CSGALNACT1: variants seen among roughly 807,000 people sequenced by gnomAD.
CSGALNACT1 encodes the protein chondroitin sulfate N-acetylgalactosaminyltransferase 1, also known as beta4GalNAcT-1.
A neutral mutation model predicts 51.0 loss-of-function variants in CSGALNACT1; 52 were observed. The ratio of observed to expected loss-of-function variants is 1.02; its 90% confidence interval spans 0.82 to 1.29. CSGALNACT1 has a LOEUF of 1.29. CSGALNACT1 is among the 50% of genes most tolerant of loss of function. The pLI is 0.00. For missense variants in CSGALNACT1, 935 were observed against 679.2 expected (o/e 1.38, Z -4.19); for synonymous variants, 341 against 254.4 (o/e 1.34, Z -3.24).
At chr8:19,497,844 G>A (rs2075752028) in intron 4 of CSGALNACT1, among the ~76,000 whole-genome samples, 1 of 152,122 alleles carries the variant, frequency 6.6e-6, no homozygotes, top group Admixed American at 6.5e-5. Context: ...TGCCTACTTT[G>A]GAGAGGCTAA....
chr8:19,575,047 A>T (rs2043874675), intron 3 of CSGALNACT1, among the ~76,000 whole-genome samples: 1 of 151,950 alleles, frequency 6.6e-6, no homozygotes, highest in African/African-American at 2.4e-5. Context: ...AAAAAAAAAA[A>T]TTCCTCTCTC....
intron 1 of CSGALNACT1, among the ~76,000 whole-genome samples, chr8:19,731,471 G>T (rs1036935807): frequency 6.6e-6 from 1 of 152,144 alleles, no homozygotes; most frequent in South Asian, 2.1e-4. Flanking sequence ...TTACACCACT[G>T]CATTCTAGCC....
rs560295352 is a variant in CSGALNACT1, at chr8:19,429,471, C to T, written c.954-8953G>A. ...GGATAACAGGCGTGAGCCACTGGCA[C>T]CTGGCCATTATTGACCTTTTACATC... On this transcript the variant is annotated intron_variant, in intron 6 of 9. Coordinates refer to ENST00000454498, the Ensembl canonical transcript of CSGALNACT1. 2.0e-5 allele frequency among the ~76,000 whole-genome samples: 3 copies of T among 152,364 alleles called. No homozygotes were observed. The East Asian group carries it at 5.8e-4, about 29-fold the overall frequency.
At position 19,690,552 on chromosome 8, in the gene CSGALNACT1, T is replaced by C. The variant is rs756433758; in HGVS notation, c.-297+67298A>G. 5.3e-5 allele frequency among the ~76,000 whole-genome samples: 8 copies of C among 152,206 alleles called. No individual in the cohort carries two copies. In the East Asian group the frequency reaches 1.5e-3, roughly 29 times the overall value. On this transcript the variant is annotated intron_variant, in intron 1 of 1. Transcript: ENST00000517494. ...AAAATGACAAAATAGAAAACATATA[T>C]AAAACAGATTTTTTTCCTCTATAAC...
chr8:19,442,875 G>A (rs751983122), intron 5 of CSGALNACT1, among the ~76,000 whole-genome samples: 82 of 152,216 alleles, frequency 5.4e-4, no homozygotes, highest in Non-Finnish European at 9.4e-4. Flanking sequence ...CTCCTGTTTA[G>A]GACTCTAGAG....
chr8:19,413,478 G>A (rs1397052337), intron 8 of CSGALNACT1, among the ~76,000 whole-genome samples: 3 of 152,190 alleles, frequency 2.0e-5, no homozygotes, highest in Non-Finnish European at 2.9e-5. Context: ...TTCTGGAAAG[G>A]CTCCATAAAG....
intron 1 of CSGALNACT1, among the ~76,000 whole-genome samples, chr8:19,694,138 G>A (rs565632396): frequency 6.6e-6 from 1 of 152,194 alleles, no homozygotes; most frequent in South Asian, 2.1e-4. Flanking sequence ...TCAGGCAAAA[G>A]GAAGTTTGTG....
intron 4 of CSGALNACT1, among the ~76,000 whole-genome samples, chr8:19,502,707 A>T (rs2076626054): frequency 6.6e-6 from 1 of 152,184 alleles, no homozygotes; most frequent in African/African-American, 2.4e-5. Flanking sequence ...TTTTAAGATA[A>T]ATTTCACCCT....
At chr8:19,575,650 A>G (rs2044029501) in intron 3 of CSGALNACT1, among the ~76,000 whole-genome samples, 1 of 152,234 alleles carries the variant, frequency 6.6e-6, no homozygotes, top group African/African-American at 2.4e-5. Context: ...ATACTGAGAA[A>G]TTTTGTTAGA....
intron 3 of CSGALNACT1, among the ~76,000 whole-genome samples, chr8:19,526,257 A>G (rs1004678451): frequency 6.6e-6 from 1 of 152,166 alleles, no homozygotes; most frequent in African/African-American, 2.4e-5. Flanking sequence ...GAGGGGCAGA[A>G]CAGCTATTAC....
At chr8:19,500,507 C>T (rs867140441) in intron 4 of CSGALNACT1, among the ~76,000 whole-genome samples, 4 of 152,134 alleles carry the variant, frequency 2.6e-5, no homozygotes, top group Admixed American at 2.0e-4. Flanking sequence ...ATTTCCTGTC[C>T]GCTAACATCC....
chr8:19,520,690 T>C (rs1236289596), intron 3 of CSGALNACT1, among the ~76,000 whole-genome samples: 2 of 152,254 alleles, frequency 1.3e-5, no homozygotes, highest in Admixed American at 6.5e-5. Context: ...ATGTTCCCTC[T>C]GCATCAGTCT....
intron 3 of CSGALNACT1, among the ~76,000 whole-genome samples, chr8:19,516,772 C>G (rs2079605489): frequency 6.6e-6 from 1 of 152,224 alleles, no homozygotes; most frequent in South Asian, 2.1e-4. Context: ...ACTCCTTGGG[C>G]CTGGCCCTTA....
In CSGALNACT1 at chr8:19,460,284, C is replaced by CATACAT. The variant is rs371617606; in HGVS notation, c.635-1643_635-1642insATGTAT. 6.8e-3 allele frequency among the ~76,000 whole-genome samples: 1,034 copies of CATACAT among 152,078 alleles called. 7 individuals are homozygous for CATACAT. Among genetic ancestry groups the CATACAT allele is most frequent in the Middle Eastern group, 0.017 (5 of 294 alleles). ...CAGAGAGAGAGAGAGAGAAAGAGAC[C>CATACAT]ATGTTTACATACCTTTTATTACCTT... is the stretch of plus-strand genomic sequence containing the variant. On this transcript the variant is annotated intron_variant, in intron 4 of 9. Transcript: ENST00000454498.
At chr8:19,433,302 G>A (rs1379200929) in intron 6 of CSGALNACT1, among the ~76,000 whole-genome samples, 2 of 152,102 alleles carry the variant, frequency 1.3e-5, no homozygotes, top group African/African-American at 4.8e-5. Flanking sequence ...TTTACTTCTT[G>A]CTTCCACAGA....
At position 19,527,671 on chromosome 8, in the gene CSGALNACT1, G is replaced by A. The variant is rs141774706; in HGVS notation, c.-296-21541C>T. On this transcript the variant is annotated intron_variant, in intron 3 of 9. Coordinates refer to ENST00000454498, the Ensembl canonical transcript of CSGALNACT1. Reference sequence around the variant, plus strand: ...GTAACTGAGTGGCATAGGCTTGGAAGCGACATTACGCATGAGAACCACGCA... The same window carrying A: ...GTAACTGAGTGGCATAGGCTTGGAAACGACATTACGCATGAGAACCACGCA... 2.6e-5 allele frequency among the ~76,000 whole-genome samples: 4 copies of A among 152,314 alleles called. No individual in the cohort carries two copies. The East Asian group carries it at 5.8e-4, about 22-fold the overall frequency.
chr8:19,666,809 AAGAGAG>A (rs375633259), intron 1 of CSGALNACT1, among the ~76,000 whole-genome samples: 52 of 25,100 alleles, frequency 2.1e-3, no homozygotes, highest in South Asian at 2.9e-3. Context: ...GAAAGAAAGA[AAGAGAG>A]AGAGAGAGAG....
At chr8:19,457,182 A>G (rs7828025) in intron 5 of CSGALNACT1, among the ~76,000 whole-genome samples, 82,239 of 152,052 alleles carry the variant, frequency 0.54, 22,542 homozygotes, top group East Asian at 0.85. Context: ...ATTTGATTCT[A>G]ATCTTCAAAA....
At chr8:19,512,003 C>T (rs2078554643) in intron 3 of CSGALNACT1, among the ~76,000 whole-genome samples, 1 of 152,206 alleles carries the variant, frequency 6.6e-6, no homozygotes, top group Admixed American at 6.5e-5. Context: ...CATCTCCCAC[C>T]AGGTCCCTCC....
Sources: gnomAD v4.1 joint callset for allele counts (sites outside exome capture counted in the v4.1 genomes callset) on GRCh38, gnomAD v4.1.1 for gene constraint, MANE v1.5 for transcripts, NCBI Gene and HGNC (gene_info 2026-07-23, HGNC 2026-07-21) for gene names.